Variants in ARL8B observed in about 807,000 individuals in gnomAD.
ARL8B encodes ADP-ribosylation factor-like protein 8B.
ARL8B carries 9 observed loss-of-function variants against 30.6 expected under a neutral mutation model. The observed-to-expected ratio is 0.29, with a 90% CI of 0.18 to 0.51. The LOEUF (loss-of-function observed/expected upper bound fraction) is 0.51, where lower values mean the gene tolerates loss of function less well. Ranked by LOEUF, ARL8B falls within the 20% of genes least tolerant of loss-of-function variation. The pLI, the probability that ARL8B is intolerant of heterozygous loss-of-function variation, is 0.97. For synonymous variants in ARL8B, 74 were observed against 76.0 expected, an observed-to-expected ratio of 0.97 and a Z score of 0.14; for missense variants, 130 against 227.2, an observed-to-expected ratio of 0.57 and a Z score of 2.75.
intron 1 of ARL8B, among the ~76,000 whole-genome samples, chr3:5,153,075 C>G (rs566471943): frequency 3.5e-3 from 533 of 152,182 alleles, no homozygotes; most frequent in Non-Finnish European, 6.3e-3. Context: ...TGCAGTGGTT[C>G]TTCTAGAGTT....
rs758808149 is a variant in ARL8B, at chr3:5,122,419, C to A, written c.-47C>A. 1.9e-6 allele frequency: 3 copies of A among 1,609,114 alleles called. No homozygotes were observed. The highest frequency in any genetic ancestry group is 1.3e-5 in the African/African-American group (1 of 74,804). On this transcript the variant is annotated 5_prime_UTR_variant, in exon 1 of 7. Coordinates refer to ENST00000256496, the MANE Select transcript of ARL8B (RefSeq NM_018184.3). ...CCCGCTCGTGTGGAAGTCGTCGACG[C>A]CGCCGCTCGTCCGTCCTCCCGTCCG... is the stretch of plus-strand genomic sequence containing the variant.
chr3:5,124,687 G>A (rs1206619643), intron 1 of ARL8B, among the ~76,000 whole-genome samples: 1 of 151,906 alleles, frequency 6.6e-6, no homozygotes, highest in African/African-American at 2.4e-5. Flanking sequence ...TATGTTGCCA[G>A]GGCTGGTCTT....
In ARL8B at chr3:5,172,013, A is replaced by T. The variant is rs1000828968; in HGVS notation, c.205-137A>T. On this transcript the variant is annotated intron_variant, in intron 2 of 6. Transcript: ENST00000256496. Reference sequence around the variant, plus strand: ...CATATTAAGAGCTTGTTTGAGGTCAAGTCTTTCAGGAGCACTTTGCCTCTA... The same window carrying T: ...CATATTAAGAGCTTGTTTGAGGTCATGTCTTTCAGGAGCACTTTGCCTCTA... 10 of 727,612 alleles carry T rather than the reference A, an allele frequency of 1.4e-5. No individual in the cohort carries two copies. The East Asian group carries it at 2.4e-4, about 17-fold the overall frequency. 45.1% of individuals were successfully genotyped at this position (727,612 alleles called of 1,614,324 possible).
intron 1 of ARL8B, among the ~76,000 whole-genome samples, chr3:5,144,834 G>A (rs895348897): frequency 1.3e-5 from 2 of 152,170 alleles, no homozygotes; most frequent in Non-Finnish European, 1.5e-5. Context: ...TGTTTGACCA[G>A]TTCCCCATGT....
intron 1 of ARL8B, among the ~76,000 whole-genome samples, chr3:5,151,029 G>A (rs111243101): frequency 0.028 from 4,237 of 151,860 alleles, 88 homozygotes; most frequent in Non-Finnish European, 0.047. Context: ...TTTTAATGTC[G>A]GTGGAGTCTG....
chr3:5,134,996 A>G (rs573126652), intron 1 of ARL8B, among the ~76,000 whole-genome samples: 3 of 152,196 alleles, frequency 2.0e-5, no homozygotes, highest in Admixed American at 6.5e-5. Context: ...CTGCCGGCAC[A>G]CACCACCACG....
chr3:5,155,014 C>G (rs910338125), intron 1 of ARL8B, among the ~76,000 whole-genome samples: 1 of 152,228 alleles, frequency 6.6e-6, no homozygotes, highest in East Asian at 1.9e-4. Context: ...GGATTACAGG[C>G]CTGAGCTCCT....
intron 4 of ARL8B, among the ~76,000 whole-genome samples, chr3:5,173,464 C>T (rs1340901606): frequency 1.3e-5 from 2 of 152,148 alleles, no homozygotes; most frequent in African/African-American, 2.4e-5. Context: ...CCGCCGGGCG[C>T]GGTGGCTCAT....
intron 1 of ARL8B, among the ~76,000 whole-genome samples, chr3:5,167,806 C>G (rs971297949): frequency 2.6e-5 from 4 of 152,066 alleles, no homozygotes; most frequent in African/African-American, 9.7e-5. Flanking sequence ...ACATCTGTTT[C>G]CCAAACCTGT....
In ARL8B at chr3:5,172,159, A is replaced by G; in HGVS notation, c.214A>G (p.Ile72Val). ...TTGTTTTGATTTAAAGATCTGGGAC[A>G]TAGGAGGACAACCCCGATTTCGAAG... ...KGNVTIKIWD[I>V]GGQPRFRSMW... The change falls in exon 3 of 7, where the codon ATA becomes GTA. Residue 72 changes from isoleucine to valine, a missense_variant. By Grantham distance (29) the Ile-to-Val change is conservative. Transcript: ENST00000256496. The G allele has an allele frequency of 6.2e-7, 1 of 1,613,648 alleles. No individual in the cohort carries two copies.
At chr3:5,126,043 G>GA (rs2054227544) in intron 1 of ARL8B, among the ~76,000 whole-genome samples, 1 of 150,892 alleles carries the variant, frequency 6.6e-6, no homozygotes, top group African/African-American at 2.4e-5. Context: ...ATTTAAAAAA[G>GA]AAAAAAGACA....
intron 1 of ARL8B, among the ~76,000 whole-genome samples, chr3:5,160,309 C>A (rs567871032): frequency 7.2e-5 from 11 of 152,170 alleles, no homozygotes; most frequent in Non-Finnish European, 1.3e-4. Context: ...TACTCACTAG[C>A]AAACTAATCA....
chr3:5,128,202 T>A (rs969249605), intron 1 of ARL8B, among the ~76,000 whole-genome samples: 1 of 151,770 alleles, frequency 6.6e-6, no homozygotes, highest in Non-Finnish European at 1.5e-5. Context: ...AATTTTGTAT[T>A]TGATTGTATT....
chr3:5,170,323 G>A (rs1156747583), intron 1 of ARL8B, among the ~76,000 whole-genome samples, 180 bp from the exon 2 acceptor site: 4 of 151,846 alleles, frequency 2.6e-5, no homozygotes, highest in Non-Finnish European at 2.9e-5. Context: ...ATCTTTGTTG[G>A]GACAAAATAA....
intron 1 of ARL8B, among the ~76,000 whole-genome samples, chr3:5,146,116 T>C (rs2054416706): frequency 6.6e-6 from 1 of 152,230 alleles, no homozygotes; most frequent in Non-Finnish European, 1.5e-5. Flanking sequence ...CGTGAAGCCT[T>C]CTTGCAGCAC....
chr3:5,148,561 C>G (rs1238412541), intron 1 of ARL8B, among the ~76,000 whole-genome samples: 1 of 152,068 alleles, frequency 6.6e-6, no homozygotes, highest in Admixed American at 6.6e-5. Context: ...GGGCCTTTCA[C>G]TGGGTGAGGG....
chr3:5,172,343 T>A, intron 3 of ARL8B, 120 bp downstream of exon 3: 1 of 865,438 alleles, frequency 1.2e-6, no homozygotes, highest in Non-Finnish European at 1.8e-6. Flanking sequence ...CTTTCTTAGC[T>A]AATATCCTAG....
Position 5,180,606 on chromosome 3 carries a change from G to A in ARL8B, c.*1893G>A, listed in dbSNP as rs1329291076. The A allele has an allele frequency of 6.6e-6, 1 of 152,642 alleles. No individual in the cohort carries two copies. Among genetic ancestry groups the A allele is most frequent in the African/African-American group, 2.4e-5 (1 of 41,458 alleles). The allele number at this position is 152,642 out of a possible 1,614,324, so 9.5% of individuals were successfully genotyped here. ...CAGACGCTATTACCAACATTTTCCT[G>A]TGCATTAACCTCTGCATGTGAAAAC... On this transcript the variant is annotated 3_prime_UTR_variant, in exon 7 of 7. Coordinates refer to ENST00000256496, the MANE Select transcript of ARL8B (RefSeq NM_018184.3).
chr3:5,177,547 C>T (rs1575577179), intron 6 of ARL8B, among the ~76,000 whole-genome samples: 2 of 151,648 alleles, frequency 1.3e-5, no homozygotes, highest in South Asian at 4.2e-4. Context: ...ACCTCCGCCT[C>T]CTGGGTTCAA....
Sources: allele counts gnomAD v4.1 joint callset (sites outside exome capture counted in the v4.1 genomes callset), GRCh38; gene constraint gnomAD v4.1.1; transcripts MANE v1.5; gene names NCBI Gene and HGNC (gene_info 2026-07-23, HGNC 2026-07-21).